Variants in FAM199X observed in about 807,000 individuals in gnomAD.
FAM199X encodes the protein protein FAM199X.
In FAM199X, 4 loss-of-function variants were observed where a neutral mutation model predicts 22.9. The observed-to-expected ratio is 0.17, with a 90% CI of 0.09 to 0.40. FAM199X has a LOEUF of 0.40. Ranked by LOEUF, FAM199X falls within the 10% of genes least tolerant of loss-of-function variation. The pLI, the probability that FAM199X is intolerant of heterozygous loss-of-function variation, is 1.00. For synonymous variants in FAM199X, 101 were observed against 112.3 expected (o/e 0.90, Z 0.64); for missense variants, 183 against 306.8 (o/e 0.60, Z 3.01).
chrX:104,185,433 A>G (rs1921775569), intron 2 of FAM199X, among the ~76,000 whole-genome samples: 1 of 110,314 alleles, frequency 9.1e-6, no homozygotes, highest in African/African-American at 3.3e-5. Flanking sequence ...ATGATGATTG[A>G]CTCTTCGGTT....
At chrX:104,185,992 T>C (rs1474701350) in intron 2 of FAM199X, 74 bp from the exon 3 acceptor site, 2 of 976,235 alleles carry the variant, frequency 2.0e-6, no homozygotes, top group African/African-American at 3.9e-5. Context: ...ATGTGGAAAA[T>C]ATATTGTAGT....
At chrX:104,184,209 A>G (rs1921737284) in intron 2 of FAM199X, among the ~76,000 whole-genome samples, 2 of 112,310 alleles carry the variant, frequency 1.8e-5, no homozygotes, top group African/African-American at 6.5e-5. Context: ...CCCTGTACCT[A>G]TTATACTGCT....
intron 2 of FAM199X, among the ~76,000 whole-genome samples, chrX:104,176,097 A>G (rs1921483821): frequency 9.0e-6 from 1 of 111,392 alleles, no homozygotes; most frequent in Non-Finnish European, 1.9e-5. Flanking sequence ...CCATTATTAT[A>G]TATTATCGGT....
rs1197002344 is a variant in FAM199X, at chrX:104,178,272, T to C, written c.417+2430T>C. On this transcript the variant is annotated intron_variant, in intron 2 of 5. Coordinates refer to ENST00000493442, the MANE Select transcript of FAM199X (RefSeq NM_207318.4). ...CCCTCTGCCTCCTGGGCTCATGCCATTCTCCTGCCTCAGCCTCCTGAGTAG... is the reference window on the plus strand; with the variant it reads ...CCCTCTGCCTCCTGGGCTCATGCCACTCTCCTGCCTCAGCCTCCTGAGTAG... Among the ~76,000 whole-genome samples the C allele has an allele frequency of 3.6e-5, 4 of 111,079 alleles. 1 individual carries two copies. Among genetic ancestry groups the C allele is most frequent in the African/African-American group, 9.8e-5 (3 of 30,460 alleles).
At chrX:104,165,496 T>C (rs1474451266), upstream of FAM199X, among the ~76,000 whole-genome samples, 1 of 112,325 alleles carries the variant, frequency 8.9e-6, no homozygotes, top group Non-Finnish European at 1.9e-5. Context: ...TTCATAAATA[T>C]AGTTAATGCA....
rs1569469142 is a variant in FAM199X, at chrX:104,195,416, T to C, written c.*5638T>C. Reference sequence around the variant, plus strand: ...CCAAATGTCATTGGCAAAACTTATTTTTTTTTCTGGACAGATCAGATTTCT... The same window carrying C: ...CCAAATGTCATTGGCAAAACTTATTCTTTTTTCTGGACAGATCAGATTTCT... On this transcript the variant is annotated 3_prime_UTR_variant, in exon 6 of 6. Coordinates refer to ENST00000493442, the MANE Select transcript of FAM199X (RefSeq NM_207318.4). 1 of 111,565 alleles carries C rather than the reference T, an allele frequency of 9.0e-6. No homozygotes were observed. Among genetic ancestry groups the C allele is most frequent in the Non-Finnish European group, 1.9e-5 (1 of 53,090 alleles). The allele number at this position is 111,565 out of a possible 1,213,427, so 9.2% of individuals were successfully genotyped here. A position where few individuals can be genotyped will look rare whatever the true frequency, so the allele number is the denominator to read the frequency against.
chrX:104,186,443 A>AT lies in FAM199X; in HGVS notation c.568-11dup, dbSNP rs782493738. The AT allele has an allele frequency of 9.2e-6, 11 of 1,200,724 alleles. 1 individual carries two copies. The highest frequency in any genetic ancestry group is 2.3e-4 in the Middle Eastern group (1 of 4,315). On this transcript the variant is annotated splice_polypyrimidine_tract_variant and intron_variant, in intron 3 of 5. Transcript: ENST00000493442. ...AAGTTTTAGCAATGATCTTATTGTA[A>AT]TTTTTTCATCACATAGGTGGAATAT...
At chrX:104,178,590 A>G (rs1006373738) in intron 2 of FAM199X, among the ~76,000 whole-genome samples, 10 of 111,478 alleles carry the variant, frequency 9.0e-5, no homozygotes, top group African/African-American at 2.9e-4. Context: ...TCGCAAATTT[A>G]TTATTTTGCA....
chrX:104,175,469 T>C lies in FAM199X; in HGVS notation c.198-154T>C, dbSNP rs1286680454. Among the ~76,000 whole-genome samples the C allele has an allele frequency of 2.7e-5, 3 of 112,108 alleles. No individual in the cohort carries two copies. In the East Asian group the frequency reaches 8.3e-4, roughly 31 times the overall value. On this transcript the variant is annotated intron_variant, in intron 1 of 5. Coordinates refer to ENST00000493442, the MANE Select transcript of FAM199X (RefSeq NM_207318.4). ...CCTAGACATGTATCATTCATAAATATTTTAGTATATTTCCTTAAAAGGTAG... is the reference window on the plus strand; with the variant it reads ...CCTAGACATGTATCATTCATAAATACTTTAGTATATTTCCTTAAAAGGTAG...
rs181714147 is a variant in FAM199X at position 104,191,388 on chromosome X, A to G, written c.*1610A>G. 1 of 112,267 alleles carries G rather than the reference A, an allele frequency of 8.9e-6. No homozygotes were observed. Among genetic ancestry groups the G allele is most frequent in the African/African-American group, 3.2e-5 (1 of 30,991 alleles). 9.3% of individuals were successfully genotyped at this position (112,267 alleles called of 1,213,427 possible). A position where few individuals can be genotyped will look rare whatever the true frequency, so the allele number is the denominator to read the frequency against. On this transcript the variant is annotated 3_prime_UTR_variant, in exon 6 of 6. Coordinates refer to ENST00000493442, the MANE Select transcript of FAM199X (RefSeq NM_207318.4). Reference sequence around the variant, plus strand: ...ATATGGTTGTAACCTTTTAAAGACTACTAAAGTCATAATTTGAAATTTTTA... The same window carrying G: ...ATATGGTTGTAACCTTTTAAAGACTGCTAAAGTCATAATTTGAAATTTTTA...
intron 1 of FAM199X, among the ~76,000 whole-genome samples, chrX:104,168,158 G>T (rs1416776545): frequency 8.9e-6 from 1 of 112,332 alleles, no homozygotes; most frequent in Non-Finnish European, 1.9e-5. Flanking sequence ...ATGGAAACAA[G>T]GTGTTATAGT....
rs1556374124 is a variant in FAM199X at position 104,166,953 on chromosome X, C to G, written c.168C>G (p.Thr56=). 3 of 1,176,902 alleles carry G rather than the reference C, an allele frequency of 2.5e-6. No individual in the cohort carries two copies. Among genetic ancestry groups the G allele is most frequent in the East Asian group, 6.4e-5 (2 of 31,310 alleles). The change falls in exon 1 of 6, where the codon ACC becomes ACG. Residue 56 remains threonine (T), a synonymous_variant. Transcript: ENST00000493442. ...GCCAGCTGTCCTCCTGCCATCGCAC[C>G]GACCCGCTCCACCGCTTCCACACCA... ...FGCQLSSCHR[T]DPLHRFHTNR...
rs991278500 is a variant in FAM199X, at chrX:104,191,292, C to T, written c.*1514C>T. 1.3e-4 allele frequency: 15 copies of T among 111,548 alleles called. No individual in the cohort carries two copies. Among genetic ancestry groups the T allele is most frequent in the African/African-American group, 4.2e-4 (13 of 30,792 alleles). The allele number at this position is 111,548 out of a possible 1,213,427, so 9.2% of individuals were successfully genotyped here. On this transcript the variant is annotated 3_prime_UTR_variant, in exon 6 of 6. Transcript: ENST00000493442. The stretch of plus-strand genomic sequence containing the variant: ...TGTTTTAAAATTTTGATTTCATTTT[C>T]GTTCCTTGAAGGTTAAAGAATGGAA...
At chrX:104,181,997 T>TC (rs1921668659) in intron 2 of FAM199X, among the ~76,000 whole-genome samples, 1 of 104,893 alleles carries the variant, frequency 9.5e-6, no homozygotes, top group Non-Finnish European at 2.0e-5. Context: ...TTTTCTTTTT[T>TC]TTTTTTTTGA....
At chrX:104,178,437 G>A (rs1217148401) in intron 2 of FAM199X, among the ~76,000 whole-genome samples, 2 of 111,378 alleles carry the variant, frequency 1.8e-5, no homozygotes, top group African/African-American at 3.3e-5. Flanking sequence ...AAAGTGCTAG[G>A]ATTACAGGTG....
intron 1 of FAM199X, among the ~76,000 whole-genome samples, chrX:104,167,636 G>A (rs112645155): frequency 4.7e-4 from 52 of 110,576 alleles, no homozygotes; most frequent in African/African-American, 1.7e-3. Flanking sequence ...AAATCTGGAG[G>A]ATTCCTTCAT....
At chrX:104,175,082 CAT>C (rs1353731711) in intron 1 of FAM199X, among the ~76,000 whole-genome samples, 1 of 111,926 alleles carries the variant, frequency 8.9e-6, no homozygotes, top group East Asian at 2.8e-4. Flanking sequence ...TATGCATTCT[CAT>C]GTGATCATCA....
At chrX:104,184,644 T>G (rs2147895947) in intron 2 of FAM199X, among the ~76,000 whole-genome samples, 1 of 111,716 alleles carries the variant, frequency 9.0e-6, no homozygotes, top group South Asian at 3.7e-4. Flanking sequence ...AAATTGATTT[T>G]CTGTATGTTA....
intron 4 of FAM199X, among the ~76,000 whole-genome samples, chrX:104,187,331 C>G (rs782097267): frequency 9.0e-6 from 1 of 111,703 alleles, no homozygotes; most frequent in African/African-American, 3.3e-5. Flanking sequence ...ACCCACCTGC[C>G]TCAGCCTCCC....
Sources: allele counts gnomAD v4.1 joint callset (sites outside exome capture counted in the v4.1 genomes callset), GRCh38; gene constraint gnomAD v4.1.1; transcripts MANE v1.5; gene names NCBI Gene and HGNC (gene_info 2026-07-23, HGNC 2026-07-21).